The following ZFPM2 variants were observed in gnomAD, a reference collection of about 807,000 sequenced individuals.
ZFPM2 encodes the protein zinc finger protein, FOG family member 2, also known as zinc finger protein ZFPM2.
A neutral mutation model predicts 98.6 loss-of-function variants in ZFPM2; 20 were observed. The ratio of observed to expected loss-of-function variants is 0.20; its 90% CI spans 0.14 to 0.29. The LOEUF is 0.29. Ranked by LOEUF, ZFPM2 falls within the 10% of genes least tolerant of loss-of-function variation. The pLI, the probability that ZFPM2 is intolerant of heterozygous loss-of-function variation, is 1.00. For synonymous variants in ZFPM2, 518 were observed against 502.7 expected, an observed-to-expected ratio of 1.03 and a Z score of -0.41; for missense variants, 1,310 against 1,388.6, an observed-to-expected ratio of 0.94 and a Z score of 0.90.
intron 5 of ZFPM2, among the ~76,000 whole-genome samples, chr8:105,660,943 C>T (rs1817376299): frequency 6.6e-6 from 1 of 151,994 alleles, no homozygotes; most frequent in African/African-American, 2.4e-5. Context: ...ACTATATATA[C>T]CCTAGTGGTC....
chr8:105,642,040 T>C (rs1332064861), intron 5 of ZFPM2, among the ~76,000 whole-genome samples: 1 of 152,092 alleles, frequency 6.6e-6, no homozygotes, highest in Non-Finnish European at 1.5e-5. Context: ...GAGAGGTGAC[T>C]CACTGTCATT....
chr8:105,403,526 T>C (rs1011352458), intron 1 of ZFPM2, among the ~76,000 whole-genome samples: 13 of 152,114 alleles, frequency 8.5e-5, no homozygotes, highest in Admixed American at 6.6e-5. Flanking sequence ...ATGAAGTAGA[T>C]TTTTTAAAAA....
chr8:105,400,597 G>T (rs543915493), intron 1 of ZFPM2, among the ~76,000 whole-genome samples: 1 of 152,168 alleles, frequency 6.6e-6, no homozygotes, highest in African/African-American at 2.4e-5. Flanking sequence ...AAATGTACTG[G>T]ATGGTGTTTT....
intron 5 of ZFPM2, among the ~76,000 whole-genome samples, chr8:105,788,499 C>A (rs369637805): frequency 1.3e-5 from 2 of 152,146 alleles, no homozygotes; most frequent in African/African-American, 4.8e-5. Flanking sequence ...GATTCTTAGT[C>A]TCCTCCTACT....
chr8:105,801,566 G>T lies in ZFPM2; in HGVS notation c.1484G>T (p.Gly495Val). Reference protein sequence around the residue: ...QPNIGPSFPVGPFLSQFSFPQ... With the variant: ...QPNIGPSFPVVPFLSQFSFPQ... ...AATATTGGGCCTTCTTTCCCTGTGG[G>T]CCCTTTCCTATCTCAGTTTTCTTTC... Residue 495 changes from glycine to valine, a missense_variant, in exon 8 of 8, where the codon GGC becomes GTC. Physicochemically the swap from Gly to Val is moderately radical, Grantham distance 109 (BLOSUM62 -3). Coordinates refer to ENST00000407775, the MANE Select transcript of ZFPM2 (RefSeq NM_012082.4). 6.2e-7 allele frequency: 1 copy of T among 1,613,766 alleles called. No homozygotes were observed. The highest frequency in any genetic ancestry group is 8.5e-7 in the Non-Finnish European group (1 of 1,179,840).
At chr8:105,484,286 T>C (rs905556496) in intron 3 of ZFPM2, among the ~76,000 whole-genome samples, 9 of 151,214 alleles carry the variant, frequency 6.0e-5, no homozygotes, top group Non-Finnish European at 1.3e-4. Flanking sequence ...TGTATCTTAA[T>C]AAATTTTTTT....
intron 1 of ZFPM2, among the ~76,000 whole-genome samples, chr8:105,389,991 C>T (rs183865470): frequency 2.0e-5 from 3 of 152,084 alleles, no homozygotes. Context: ...AAGTACGTCC[C>T]TTATAATATC....
intron 3 of ZFPM2, among the ~76,000 whole-genome samples, chr8:105,522,942 G>A (rs1217209588): frequency 6.6e-6 from 1 of 152,110 alleles, no homozygotes; most frequent in Non-Finnish European, 1.5e-5. Flanking sequence ...TTGTAGCTCA[G>A]TGGCTATCAT....
In ZFPM2 at chr8:105,802,026, T is replaced by A. The variant is rs781721703; in HGVS notation, c.1944T>A (p.Thr648=). 1.2e-6 allele frequency: 2 copies of A among 1,613,804 alleles called. No individual in the cohort carries two copies. The highest frequency in any genetic ancestry group is 1.7e-5 in the Admixed American group (1 of 60,014). Residue 648 remains threonine, a synonymous_variant, in exon 8 of 8, where the codon ACT becomes ACA. Transcript: ENST00000407775. ...AGGGCCATGACAAGGACTTTTCCAC[T>A]CAAACTAAGAAGCTCTCCACCTCCA... The part of the protein sequence containing the change: ...NGKGHDKDFS[T]QTKKLSTSSN...
chr8:105,462,337 A>T (rs148216344), intron 3 of ZFPM2, among the ~76,000 whole-genome samples: 197 of 152,158 alleles, frequency 1.3e-3, no homozygotes, highest in African/African-American at 4.4e-3. Flanking sequence ...AGAACCCTTA[A>T]ATGGTTTACC....
At chr8:105,492,956 T>G (rs1813385914) in intron 3 of ZFPM2, among the ~76,000 whole-genome samples, 1 of 152,194 alleles carries the variant, frequency 6.6e-6, no homozygotes, top group Non-Finnish European at 1.5e-5. Context: ...GCTTCCTAAA[T>G]TAATGTAGTA....
In ZFPM2 at chr8:105,443,092, C is replaced by G. The variant is rs533918955; in HGVS notation, c.200-1188C>G. Among the ~76,000 whole-genome samples the G allele has an allele frequency of 1.7e-3, 264 of 151,882 alleles. 3 individuals carry two copies. The highest frequency in any genetic ancestry group is 5.9e-3 in the African/African-American group (246 of 41,398). On this transcript the variant is annotated intron_variant, in intron 2 of 7. Transcript: ENST00000407775. ...GGGAGGCCGAGGCAGGTGGATCACT[C>G]GAGGTCAAGAGTTCAAGACCAGCTT...
chr8:105,633,152 G>C (rs1816783692), intron 4 of ZFPM2, among the ~76,000 whole-genome samples: 1 of 152,178 alleles, frequency 6.6e-6, no homozygotes. Flanking sequence ...AGATTATGTG[G>C]AACTCCTCAA....
intron 5 of ZFPM2, among the ~76,000 whole-genome samples, chr8:105,742,160 C>G (rs1444897404): frequency 6.6e-6 from 1 of 151,872 alleles, no homozygotes; most frequent in East Asian, 2.0e-4. Context: ...GGAGGATCCA[C>G]TTGAAGTCAA....
intron 4 of ZFPM2, among the ~76,000 whole-genome samples, chr8:105,573,012 C>T (rs2130724999): frequency 6.6e-6 from 1 of 152,190 alleles, no homozygotes; most frequent in South Asian, 2.1e-4. Context: ...ATAATGAGCA[C>T]AACTTGTCGC....
chr8:105,734,325 T>C (rs1812018301), intron 5 of ZFPM2, among the ~76,000 whole-genome samples: 1 of 151,988 alleles, frequency 6.6e-6, no homozygotes, highest in Non-Finnish European at 1.5e-5. Flanking sequence ...GTTTTACGTA[T>C]CTTTTTATAA....
chr8:105,672,532 A>G (rs533625760), intron 5 of ZFPM2, among the ~76,000 whole-genome samples: 18 of 152,168 alleles, frequency 1.2e-4, no homozygotes, highest in Admixed American at 2.6e-4. Context: ...TGGTAATGCT[A>G]TATAAGAGTG....
intron 3 of ZFPM2, among the ~76,000 whole-genome samples, chr8:105,458,698 A>T (rs1812646241): frequency 6.6e-6 from 1 of 152,146 alleles, no homozygotes; most frequent in East Asian, 1.9e-4. Context: ...CATTACTTTT[A>T]GTTATATTTT....
chr8:105,432,030 G>A (rs561158750), intron 2 of ZFPM2, among the ~76,000 whole-genome samples: 4 of 151,938 alleles, frequency 2.6e-5, no homozygotes, highest in African/African-American at 2.4e-5. Context: ...GCATTTGAGC[G>A]ACACCAGCCT....
Sources: allele counts gnomAD v4.1 joint callset (sites outside exome capture counted in the v4.1 genomes callset), GRCh38; gene constraint gnomAD v4.1.1; transcripts MANE v1.5; gene names NCBI Gene and HGNC (gene_info 2026-07-23, HGNC 2026-07-21).